DOCK3: variants seen among roughly 807,000 people sequenced by gnomAD.
The protein encoded by DOCK3 is dedicator of cytokinesis protein 3.
A neutral mutation model predicts 265.6 loss-of-function variants in DOCK3; 60 were observed. That is an observed-to-expected ratio of 0.23 (90% CI 0.18 to 0.28). The LOEUF is 0.28. Ranked by LOEUF, DOCK3 falls within the 10% of genes least tolerant of loss-of-function variation. The pLI, the probability that DOCK3 is intolerant of heterozygous loss-of-function variation, is 1.00. For missense variants in DOCK3, 1,981 were observed against 2,594.3 expected (o/e 0.76, Z 5.14); for synonymous variants, 881 against 938.0 (o/e 0.94, Z 1.11).
At chr3:51,111,236 G>A (rs1437061775) in intron 9 of DOCK3, among the ~76,000 whole-genome samples, 1 of 152,114 alleles carries the variant, frequency 6.6e-6, no homozygotes, top group Non-Finnish European at 1.5e-5. Flanking sequence ...AATCAGTATT[G>A]TTAGAATAGC....
At chr3:51,145,838 G>T (rs1356271538) in intron 9 of DOCK3, among the ~76,000 whole-genome samples, 8 of 152,152 alleles carry the variant, frequency 5.3e-5, no homozygotes, top group African/African-American at 1.9e-4. Context: ...GGTGGTGTGG[G>T]ATGGTTTTGG....
At chr3:51,016,926 ATATATACAATATATGT>A (rs2079361077) in intron 5 of DOCK3, among the ~76,000 whole-genome samples, 1 of 101,896 alleles carries the variant, frequency 9.8e-6, no homozygotes. Flanking sequence ...AAATATATTA[ATATATACAATATATGT>A]TATATATAAT....
rs116198508 is a variant in DOCK3, at chr3:51,351,524, C to T, written c.4107+1132C>T. ...AATCATTCTAGGCTAGAAGGAAAAACGATCTGTGTGAGCACTGGCAATATG... is the reference window on the plus strand; with the variant it reads ...AATCATTCTAGGCTAGAAGGAAAAATGATCTGTGTGAGCACTGGCAATATG... On this transcript the variant is annotated intron_variant, in intron 40 of 52. Coordinates refer to ENST00000266037, the MANE Select transcript of DOCK3 (RefSeq NM_004947.5). Among the ~76,000 whole-genome samples the T allele has an allele frequency of 2.8e-3, 419 of 152,272 alleles. 1 individual carries two copies. Among genetic ancestry groups the T allele is most frequent in the African/African-American group, 9.5e-3 (396 of 41,548 alleles).
chr3:51,361,773 A>T lies in DOCK3; in HGVS notation c.5007-86A>T. ...AAACCGGTGGTAGCTGAAACCAGGG[A>T]TGACTATTCCACACATTCCGCTCTA... On this transcript the variant is annotated intron_variant, in intron 47 of 52. Transcript: ENST00000266037. This position sits in a 1 kb window ranked among gnomAD's most constrained non-coding sequence, Gnocchi z 4.2. 1 of 1,507,048 alleles carries T rather than the reference A, an allele frequency of 6.6e-7. No individual in the cohort carries two copies. The highest frequency in any genetic ancestry group is 1.4e-5 in the African/African-American group (1 of 72,556). 93.4% of individuals were successfully genotyped at this position (1,507,048 alleles called of 1,614,324 possible). A position where few individuals can be genotyped will look rare whatever the true frequency, so the allele number is the denominator to read the frequency against.
At chr3:51,320,694 G>A (rs2083660922) in intron 32 of DOCK3, among the ~76,000 whole-genome samples, 1 of 152,176 alleles carries the variant, frequency 6.6e-6, no homozygotes, top group African/African-American at 2.4e-5. Context: ...CCTCACAGTG[G>A]AAACAGAGCC....
At chr3:50,716,343 T>C (rs1423527061) in intron 1 of DOCK3, among the ~76,000 whole-genome samples, 3 of 151,970 alleles carry the variant, frequency 2.0e-5, no homozygotes, top group Non-Finnish European at 4.4e-5. Flanking sequence ...CTGGCTAACA[T>C]GGTGAAACCC....
intron 5 of DOCK3, among the ~76,000 whole-genome samples, chr3:51,014,527 C>T (rs907333420): frequency 1.4e-5 from 2 of 143,840 alleles, no homozygotes; most frequent in African/African-American, 2.6e-5. Context: ...CCAGGTTCTT[C>T]AACATGGTAT....
chr3:51,200,037 TCAC>T (rs1477383539), intron 12 of DOCK3, among the ~76,000 whole-genome samples: 1 of 151,798 alleles, frequency 6.6e-6, no homozygotes, highest in East Asian at 1.9e-4. Context: ...CATCTGTACA[TCAC>T]CATCATCAAA....
intron 1 of DOCK3, among the ~76,000 whole-genome samples, chr3:50,692,817 G>A (rs1346658688): frequency 6.6e-6 from 1 of 152,084 alleles, no homozygotes; most frequent in African/African-American, 2.4e-5. Flanking sequence ...CAAATCCAGT[G>A]TCATGAACCT....
At chr3:50,684,635 C>G (rs918848181) in intron 1 of DOCK3, among the ~76,000 whole-genome samples, 2 of 152,326 alleles carry the variant, frequency 1.3e-5, no homozygotes, top group East Asian at 3.9e-4. Flanking sequence ...ACAAATCTTA[C>G]AGCAGGTAAC....
chr3:51,308,672 C>T (rs1471937136), intron 27 of DOCK3, among the ~76,000 whole-genome samples: 4 of 152,246 alleles, frequency 2.6e-5, no homozygotes, highest in Non-Finnish European at 4.4e-5. Context: ...CCCACCTTTC[C>T]CCCTTTTCTA....
intron 5 of DOCK3, among the ~76,000 whole-genome samples, chr3:51,029,605 A>G (rs898655365): frequency 1.3e-5 from 2 of 152,172 alleles, no homozygotes; most frequent in Admixed American, 6.5e-5. Context: ...CCACACCTGC[A>G]TTCCCTTTGT....
chr3:50,786,744 G>T (rs1299547800), intron 2 of DOCK3: 4 of 730,334 alleles, frequency 5.5e-6, no homozygotes, highest in Non-Finnish European at 1.0e-5. Flanking sequence ...TGAAAATACT[G>T]CTTCGTGTTG....
rs753725852 is a variant in DOCK3, at chr3:51,136,234, C to CT, written c.747-10302dup. On this transcript the variant is annotated intron_variant, in intron 9 of 52. Transcript: ENST00000266037. ...GTAGTTTGTCGGTGCCCCCCGCCACCTTTTTTTTTTTTTAGATGGAGTCTC... is the reference window on the plus strand; with the variant it reads ...GTAGTTTGTCGGTGCCCCCCGCCACCTTTTTTTTTTTTTTAGATGGAGTCTC... Among the ~76,000 whole-genome samples, 686 of 143,994 alleles carry CT rather than the reference C, an allele frequency of 4.8e-3. 4 individuals are homozygous for CT. The highest frequency in any genetic ancestry group is 0.015 in the African/African-American group (591 of 39,408). 94.5% of individuals were successfully genotyped at this position (143,994 alleles called of 152,430 possible).
intron 12 of DOCK3, among the ~76,000 whole-genome samples, chr3:51,188,972 C>T (rs1052685283): frequency 6.6e-6 from 1 of 152,132 alleles, no homozygotes; most frequent in African/African-American, 2.4e-5. Context: ...AGTGGGATTG[C>T]TGGATCAAAT....
At chr3:51,207,607 A>G (rs1034236008) in intron 12 of DOCK3, among the ~76,000 whole-genome samples, 1 of 152,168 alleles carries the variant, frequency 6.6e-6, no homozygotes, top group Non-Finnish European at 1.5e-5. Context: ...CTGGGTAACA[A>G]TTAATTAAGC....
intron 27 of DOCK3, among the ~76,000 whole-genome samples, chr3:51,309,191 G>A (rs568954935): frequency 6.6e-6 from 1 of 152,318 alleles, no homozygotes; most frequent in East Asian, 1.9e-4. Context: ...TGGCGGCCGG[G>A]CAGAGGCTGC....
chr3:51,120,085 C>T (rs2083942565), intron 9 of DOCK3, among the ~76,000 whole-genome samples: 1 of 152,082 alleles, frequency 6.6e-6, no homozygotes, highest in Non-Finnish European at 1.5e-5. Context: ...ACTGGTTTTT[C>T]CTCATCTTCG....
intron 22 of DOCK3, among the ~76,000 whole-genome samples, chr3:51,259,949 G>A (rs1220822601): frequency 6.6e-6 from 1 of 152,154 alleles, no homozygotes; most frequent in Admixed American, 6.5e-5. Context: ...GATTCTTTCA[G>A]TAAGAAGGTA....
Sources: allele counts gnomAD v4.1 joint callset (sites outside exome capture counted in the v4.1 genomes callset), GRCh38; gene constraint gnomAD v4.1.1; non-coding constraint Gnocchi (gnomAD v3.1); transcripts MANE v1.5; gene names NCBI Gene and HGNC (gene_info 2026-07-23, HGNC 2026-07-21).